Variants in PRKG2 observed in about 807,000 individuals in gnomAD.
The protein encoded by PRKG2 is cGMP-dependent protein kinase 2.
PRKG2 carries 33 observed loss-of-function variants against 97.2 expected under a neutral mutation model. The observed-to-expected ratio is 0.34, with a 90% CI of 0.26 to 0.45. The LOEUF is 0.45. PRKG2 is among the 20% of genes least tolerant of loss of function. The pLI, the probability that PRKG2 is intolerant of heterozygous loss-of-function variation, is 1.00. For missense variants in PRKG2, 638 were observed against 900.0 expected (o/e 0.71, Z 3.73); for synonymous variants, 330 against 321.8 (o/e 1.03, Z -0.27).
rs147357718 is a variant in PRKG2, at chr4:81,149,412, A to T, written c.1086-460T>A. ...AAGTAGTTTCAGTGCCATATCACCC[A>T]ATTAATTAAATACTAAAATACTTTC... On this transcript the variant is annotated intron_variant, in intron 8 of 18. Transcript: ENST00000264399. Among the ~76,000 whole-genome samples the T allele has an allele frequency of 1.3e-4, 20 of 152,324 alleles. No individual in the cohort carries two copies. The East Asian group carries it at 3.9e-3, about 29-fold the overall frequency.
At chr4:81,108,642 C>G (rs1232953301) in intron 15 of PRKG2, among the ~76,000 whole-genome samples, 1 of 152,088 alleles carries the variant, frequency 6.6e-6, no homozygotes, top group African/African-American at 2.4e-5. Flanking sequence ...CACTTGTAAT[C>G]TCAGCACTTT....
intron 14 of PRKG2, among the ~76,000 whole-genome samples, chr4:81,132,700 A>G (rs570670317): frequency 6.6e-6 from 1 of 152,214 alleles, no homozygotes; most frequent in East Asian, 1.9e-4. Context: ...AATGCAAGCT[A>G]CTCCGCCATT....
chr4:81,153,907 C>T (rs568463256), intron 6 of PRKG2, among the ~76,000 whole-genome samples, 186 bp from the exon 7 acceptor site: 2 of 152,028 alleles, frequency 1.3e-5, no homozygotes, highest in South Asian at 2.1e-4. Context: ...TCAGTGGGTG[C>T]GCGCACCGTG....
At chr4:81,142,742 A>G in intron 11 of PRKG2, 52 bp downstream of exon 11, 4 of 1,378,226 alleles carry the variant, frequency 2.9e-6, no homozygotes, top group Non-Finnish European at 2.9e-6. Context: ...AATATAAAAC[A>G]AAAAAAAAGT....
At chr4:81,091,489 T>C (rs1425111358) in intron 18 of PRKG2, among the ~76,000 whole-genome samples, 1 of 152,004 alleles carries the variant, frequency 6.6e-6, no homozygotes, top group Non-Finnish European at 1.5e-5. Context: ...TTCACCATGT[T>C]AGCCAGGATG....
At chr4:81,164,057 G>A (rs1749788700) in intron 6 of PRKG2, among the ~76,000 whole-genome samples, 1 of 152,124 alleles carries the variant, frequency 6.6e-6, no homozygotes, top group Admixed American at 6.6e-5. Context: ...GATCAGGTGG[G>A]CCCAGTCAGC....
intron 2 of PRKG2, 79 bp downstream of exon 2, chr4:81,204,508 A>T: frequency 7.2e-7 from 1 of 1,385,900 alleles, no homozygotes; most frequent in Non-Finnish European, 9.9e-7. Flanking sequence ...CTTTATCATT[A>T]AGGAGGCTTA....
chr4:81,125,818 A>T (rs913206349), intron 14 of PRKG2, among the ~76,000 whole-genome samples: 6 of 152,068 alleles, frequency 3.9e-5, no homozygotes, highest in Admixed American at 2.0e-4. Flanking sequence ...TTTAATCTGC[A>T]TTTCCTTGAT....
Position 81,177,648 on chromosome 4 carries a change from C to T in PRKG2, c.462-2689G>A, listed in dbSNP as rs1343077839. ...CCAGAAGGCGGAAGTTGTAGTGAGC[C>T]GAGCTCGCGCCACTGCACTCCAGCC... On this transcript the variant is annotated intron_variant, in intron 2 of 18. Coordinates refer to ENST00000264399, the MANE Select transcript of PRKG2 (RefSeq NM_006259.3). 5.3e-5 allele frequency among the ~76,000 whole-genome samples: 8 copies of T among 152,110 alleles called. No individual in the cohort carries two copies. The East Asian group carries it at 9.7e-4, about 18-fold the overall frequency.
At position 81,204,735 on chromosome 4, in the gene PRKG2, C is replaced by T; in HGVS notation, c.313G>A (p.Val105Ile). Residue 105 changes from valine (V) to isoleucine (I), a missense_variant, in exon 2 of 19, where the codon GTC (valine) becomes ATC (isoleucine). Val to Ile is a conservative substitution (Grantham distance 29). Transcript: ENST00000264399. ...ACCAATCCAGAGGTCTTCCGGTGGA[C>T]CTCAAGAGGCACTTTATCTGGAGAG... is the stretch of plus-strand genomic sequence containing the variant. ...QASPDKVPLE[V>I]HRKTSGLVSL... 1.2e-6 allele frequency: 2 copies of T among 1,614,186 alleles called. No homozygotes were observed. Among genetic ancestry groups the T allele is most frequent in the East Asian group, 4.5e-5 (2 of 44,874 alleles).
At chr4:81,163,514 A>G (rs919963436) in intron 6 of PRKG2, among the ~76,000 whole-genome samples, 1 of 152,138 alleles carries the variant, frequency 6.6e-6, no homozygotes, top group Non-Finnish European at 1.5e-5. Flanking sequence ...AAATTGAAAC[A>G]TTTTTCAAAA....
intron 17 of PRKG2, 53 bp from the exon 18 acceptor site, chr4:81,092,505 G>T: frequency 9.7e-7 from 1 of 1,029,514 alleles, no homozygotes; most frequent in Non-Finnish European, 1.5e-6. Context: ...AGGAAGGAAG[G>T]AAGGAAGGGA....
In PRKG2 at chr4:81,159,233, G is replaced by C. The variant is rs188884179; in HGVS notation, c.913-5512C>G. ...TCATCTGACACAGGGCTAATTTCCA[G>C]AATCTACAATGAACTCAAACAAATT... On this transcript the variant is annotated intron_variant, in intron 6 of 18. Coordinates refer to ENST00000264399, the MANE Select transcript of PRKG2 (RefSeq NM_006259.3). Among the ~76,000 whole-genome samples the C allele has an allele frequency of 6.1e-3, 931 of 151,774 alleles. 10 individuals are homozygous for C. The highest frequency in any genetic ancestry group is 8.3e-3 in the Non-Finnish European group (567 of 67,916).
intron 9 of PRKG2, among the ~76,000 whole-genome samples, chr4:81,144,606 A>ATT (rs1343179456): frequency 0.042 from 5,530 of 132,094 alleles, 119 homozygotes; most frequent in Admixed American, 0.062. Context: ...ATATATATAT[A>ATT]TATATTTTTT....
chr4:81,137,758 C>T (rs1469822228), intron 12 of PRKG2, among the ~76,000 whole-genome samples: 5 of 152,316 alleles, frequency 3.3e-5, no homozygotes, highest in Non-Finnish European at 5.9e-5. Flanking sequence ...TTCTTCAGGG[C>T]CAACCTCCAA....
chr4:81,126,735 A>C (rs1236268936), intron 14 of PRKG2, among the ~76,000 whole-genome samples: 2 of 151,606 alleles, frequency 1.3e-5, no homozygotes, highest in Non-Finnish European at 2.9e-5. Flanking sequence ...TTTTCTTGTA[A>C]ATTTTTTTAA....
intron 6 of PRKG2, among the ~76,000 whole-genome samples, chr4:81,154,805 A>G (rs1261163751): frequency 3.3e-5 from 5 of 152,202 alleles, no homozygotes; most frequent in Non-Finnish European, 7.3e-5. Flanking sequence ...AAGGCTTCAG[A>G]CGATCAAATT....
chr4:81,186,857 A>G (rs1478666804), intron 2 of PRKG2, among the ~76,000 whole-genome samples: 2 of 152,182 alleles, frequency 1.3e-5, no homozygotes, highest in Admixed American at 1.3e-4. Context: ...CTCTACTCAA[A>G]TAAACTAGAA....
At chr4:81,203,707 C>T (rs1753458559) in intron 2 of PRKG2, among the ~76,000 whole-genome samples, 1 of 152,114 alleles carries the variant, frequency 6.6e-6, no homozygotes, top group South Asian at 2.1e-4. Flanking sequence ...TAAAGAAATG[C>T]ATACACACAC....
Sources: gnomAD v4.1 joint callset for allele counts (sites outside exome capture counted in the v4.1 genomes callset) on GRCh38, gnomAD v4.1.1 for gene constraint, MANE v1.5 for transcripts, NCBI Gene and HGNC (gene_info 2026-07-23, HGNC 2026-07-21) for gene names.